The following KCNH1 variants were observed in gnomAD, a reference collection of about 807,000 sequenced individuals.
KCNH1 encodes voltage-gated delayed rectifier potassium channel KCNH1.
A neutral mutation model predicts 69.2 loss-of-function variants in KCNH1; 27 were observed. That is an observed-to-expected ratio of 0.39 (90% CI 0.29 to 0.54). The LOEUF (loss-of-function observed/expected upper bound fraction) is 0.54. Among genes scored for constraint, KCNH1 ranks in the 20% least tolerant of loss-of-function variants. KCNH1 has a pLI of 0.68. For missense variants in KCNH1, 798 were observed against 1,261.6 expected, an observed-to-expected ratio of 0.63 and a Z score of 5.57; for synonymous variants, 456 against 487.7, an observed-to-expected ratio of 0.93 and a Z score of 0.86.
chr1:210,798,174 G>A (rs1187753376), intron 8 of KCNH1, among the ~76,000 whole-genome samples: 2 of 151,822 alleles, frequency 1.3e-5, no homozygotes, highest in Non-Finnish European at 2.9e-5. Context: ...CGAGTAGCTG[G>A]GACTACAGGC....
At chr1:210,894,680 T>A (rs1194543251) in intron 7 of KCNH1, among the ~76,000 whole-genome samples, 1 of 152,116 alleles carries the variant, frequency 6.6e-6, no homozygotes, top group African/African-American at 2.4e-5. Context: ...GAGTTCGTTA[T>A]TATTGGAGTA....
At chr1:211,084,784 G>T (rs943076323) in intron 4 of KCNH1, among the ~76,000 whole-genome samples, 3 of 152,086 alleles carry the variant, frequency 2.0e-5, no homozygotes, top group Non-Finnish European at 2.9e-5. Context: ...CTTTATAATG[G>T]CAATCATGCC....
In KCNH1 at chr1:210,920,043, T is replaced by C. The variant is rs540706243; in HGVS notation, c.1059A>G (p.Leu353=). The change falls in exon 7 of 11, where the codon CTA becomes CTG. Residue 353 remains leucine (L), a synonymous_variant. Transcript: ENST00000271751. The part of the protein sequence containing the change: ...SQGISSLFSS[L]KVVRLLRLGR... ...CAAGACGGAGCAGCCGGACAACTTTTAGAGAGCTGAACAGGCTGCTGATGC... is the reference window on the plus strand; with the variant it reads ...CAAGACGGAGCAGCCGGACAACTTTCAGAGAGCTGAACAGGCTGCTGATGC... 5.6e-6 allele frequency: 9 copies of C among 1,613,924 alleles called. No homozygotes were observed. The South Asian group carries it at 6.6e-5, about 12-fold the overall frequency.
chr1:210,683,697 T>C lies in KCNH1; in HGVS notation c.2554A>G (p.Lys852Glu), dbSNP rs2149000856. The C allele has an allele frequency of 6.2e-7, 1 of 1,614,232 alleles. No homozygotes were observed. The highest frequency in any genetic ancestry group is 1.1e-5 in the South Asian group (1 of 91,086). ...TCCATCGACTCAGCCTTGGACACCT[T>C]GTTCCAGTCCTCACTCTTCCCGCAA... is the stretch of plus-strand genomic sequence containing the variant. ...DACGKSEDWNKVSKAESMETL... is the reference protein window; with the variant it reads ...DACGKSEDWNEVSKAESMETL... Residue 852 changes from lysine (K) to glutamate (E), a missense_variant, in exon 11 of 11, where the codon AAG becomes GAG. Transcript: ENST00000271751. The surrounding 1 kb of genome is among the most constrained non-coding windows in gnomAD (Gnocchi z 5.7).
intron 10 of KCNH1, among the ~76,000 whole-genome samples, chr1:210,760,402 A>G (rs1050979915): frequency 1.3e-5 from 2 of 152,214 alleles, no homozygotes; most frequent in Non-Finnish European, 2.9e-5. Context: ...GCATTCTTGA[A>G]AAGATAAGCC....
intron 10 of KCNH1, among the ~76,000 whole-genome samples, chr1:210,736,200 C>T (rs1304949284): frequency 6.6e-6 from 1 of 152,110 alleles, no homozygotes; most frequent in East Asian, 1.9e-4. Flanking sequence ...AGTGTGCCAC[C>T]ATGCCCAGCT....
intron 6 of KCNH1, among the ~76,000 whole-genome samples, chr1:210,953,305 T>C (rs1426623433): frequency 6.6e-6 from 1 of 152,122 alleles, no homozygotes; most frequent in African/African-American, 2.4e-5. Context: ...GGCCTCAACC[T>C]CCTCACCACT....
intron 10 of KCNH1, among the ~76,000 whole-genome samples, chr1:210,755,050 A>T (rs892352513): frequency 6.6e-6 from 1 of 152,190 alleles, no homozygotes; most frequent in Non-Finnish European, 1.5e-5. Flanking sequence ...GTCGAAGCTC[A>T]TGCAGTGACA....
intron 9 of KCNH1, among the ~76,000 whole-genome samples, chr1:210,779,765 T>C (rs549628687): frequency 3.0e-4 from 45 of 152,262 alleles, no homozygotes; most frequent in African/African-American, 1.0e-3. Flanking sequence ...GGCAGCCTAA[T>C]TAAAACTCCA....
At chr1:211,006,464 C>G (rs1034538330) in intron 6 of KCNH1, among the ~76,000 whole-genome samples, 2 of 152,078 alleles carry the variant, frequency 1.3e-5, no homozygotes, top group Non-Finnish European at 2.9e-5. Context: ...CATCATTGTC[C>G]TATTTAATTT....
chr1:210,726,817 G>T (rs573460466), intron 10 of KCNH1, among the ~76,000 whole-genome samples: 15 of 130,998 alleles, frequency 1.1e-4, no homozygotes, highest in Admixed American at 3.2e-4. Context: ...CGGCGGGGGT[G>T]GGGTGGACTA....
chr1:210,709,721 GAAGA>G (rs1305068034), intron 10 of KCNH1, among the ~76,000 whole-genome samples: 3 of 113,708 alleles, frequency 2.6e-5, no homozygotes, highest in East Asian at 4.6e-4. Flanking sequence ...AAGAAAGAAA[GAAGA>G]GAGAGAGAGA....
chr1:211,128,027 G>A (rs190852171), intron 1 of KCNH1, among the ~76,000 whole-genome samples: 4 of 152,196 alleles, frequency 2.6e-5, no homozygotes, highest in East Asian at 3.9e-4. Flanking sequence ...GTGGTGGCTC[G>A]TGCCTGTAAT....
intron 6 of KCNH1, among the ~76,000 whole-genome samples, chr1:210,965,403 T>C (rs1688380255): frequency 6.6e-6 from 1 of 152,130 alleles, no homozygotes; most frequent in African/African-American, 2.4e-5. Flanking sequence ...TTCAGCAGTC[T>C]CATGGTAAAA....
intron 6 of KCNH1, among the ~76,000 whole-genome samples, chr1:211,015,778 C>T (rs531279385): frequency 2.0e-5 from 3 of 152,332 alleles, no homozygotes; most frequent in Non-Finnish European, 4.4e-5. Context: ...AGGATCCCAG[C>T]TGTTTTAACA....
chr1:210,859,173 C>T (rs1304355659), intron 7 of KCNH1: 4 of 1,548,222 alleles, frequency 2.6e-6, no homozygotes, highest in Admixed American at 1.7e-5. Context: ...AAAGAGATAA[C>T]TCAATTCATC....
intron 7 of KCNH1, among the ~76,000 whole-genome samples, chr1:210,847,714 A>G (rs1008465072): frequency 3.9e-5 from 6 of 152,076 alleles, no homozygotes; most frequent in Non-Finnish European, 5.9e-5. Context: ...CATGTACCCT[A>G]AAACTTAAAG....
chr1:210,862,055 T>C, intron 7 of KCNH1: 1 of 798,316 alleles, frequency 1.3e-6, no homozygotes, highest in Non-Finnish European at 2.3e-6. Flanking sequence ...TAAGGGGATA[T>C]ATACTTTTGT....
At chr1:210,880,620 C>T (rs1010835574) in intron 7 of KCNH1, among the ~76,000 whole-genome samples, 1 of 152,076 alleles carries the variant, frequency 6.6e-6, no homozygotes, top group African/African-American at 2.4e-5. Flanking sequence ...TAAAATACAA[C>T]CATACAACTT....
Sources: gnomAD v4.1 joint callset for allele counts (sites outside exome capture counted in the v4.1 genomes callset) on GRCh38, gnomAD v4.1.1 for gene constraint, Gnocchi (gnomAD v3.1) non-coding constraint, MANE v1.5 for transcripts, NCBI Gene and HGNC (gene_info 2026-07-23, HGNC 2026-07-21) for gene names.